AFG2A: variants seen among roughly 807,000 people sequenced by gnomAD.
AFG2A encodes ATPase family gene 2 protein homolog A.
At chr4:122,958,504 C>T in the AFG2A span, among the ~76,000 whole-genome samples, 2 of 152,176 alleles carry the variant, frequency 1.3e-5, no homozygotes, top group African/African-American at 2.4e-5. Flanking sequence ...TTCTTCCCCA[C>T]GGAATTCAGG....
chr4:122,947,818 A>G, the AFG2A span, among the ~76,000 whole-genome samples: 6 of 152,172 alleles, frequency 3.9e-5, no homozygotes, highest in Admixed American at 3.9e-4. Context: ...TTAAAACAGT[A>G]AAAAATAATA....
At chr4:123,136,126 T>G in the AFG2A span, among the ~76,000 whole-genome samples, 3,325 of 152,346 alleles carry the variant, frequency 0.022, 65 homozygotes, top group Non-Finnish European at 0.035. Context: ...GAAAACATGC[T>G]TTGTATGATT....
the AFG2A span, among the ~76,000 whole-genome samples, chr4:122,951,454 A>ACACACG: frequency 1.3e-5 from 2 of 151,436 alleles, no homozygotes; most frequent in Non-Finnish European, 3.0e-5. Context: ...ACACACACAC[A>ACACACG]CACACGCACG....
At chr4:123,268,420 G>A in the AFG2A span, among the ~76,000 whole-genome samples, 1 of 152,134 alleles carries the variant, frequency 6.6e-6, no homozygotes, top group Non-Finnish European at 1.5e-5. Context: ...ACTAATAGAG[G>A]TCTCAGAAGG....
chr4:123,172,924 G>A, the AFG2A span, among the ~76,000 whole-genome samples: 1 of 152,110 alleles, frequency 6.6e-6, no homozygotes, highest in Non-Finnish European at 1.5e-5. Flanking sequence ...TTAAGAACTG[G>A]TTGTTCAAAA....
the AFG2A span, among the ~76,000 whole-genome samples, chr4:123,221,177 A>G: frequency 1.3e-5 from 2 of 152,044 alleles, no homozygotes; most frequent in African/African-American, 2.4e-5. Flanking sequence ...TTATTTTGAG[A>G]CAGGGTCTCA....
chr4:123,116,263 C>T, the AFG2A span, among the ~76,000 whole-genome samples: 1 of 152,178 alleles, frequency 6.6e-6, no homozygotes, highest in East Asian at 1.9e-4. Context: ...ATCATATAAA[C>T]AAAAACAACA....
the AFG2A span, among the ~76,000 whole-genome samples, chr4:123,013,755 C>T: frequency 2.0e-5 from 3 of 152,130 alleles, no homozygotes; most frequent in Admixed American, 6.5e-5. Flanking sequence ...CACTTTTACC[C>T]CTTCTGTTGT....
At chr4:123,146,337 G>A in the AFG2A span, among the ~76,000 whole-genome samples, 1 of 152,244 alleles carries the variant, frequency 6.6e-6, no homozygotes, top group Middle Eastern at 3.4e-3. Flanking sequence ...ACACAATGGG[G>A]AGAAAAACGG....
At chr4:122,986,200 T>C in the AFG2A span, among the ~76,000 whole-genome samples, 1 of 152,126 alleles carries the variant, frequency 6.6e-6, no homozygotes, top group Non-Finnish European at 1.5e-5. Flanking sequence ...TATCACGTGG[T>C]CTGTTTTGGA....
the AFG2A span, among the ~76,000 whole-genome samples, chr4:123,211,315 A>T: frequency 3.3e-5 from 5 of 152,166 alleles, no homozygotes; most frequent in South Asian, 4.1e-4. Context: ...GTTTTTAAAA[A>T]TTTCCATGAC....
At chr4:123,026,069 G>T in the AFG2A span, among the ~76,000 whole-genome samples, 3 of 151,574 alleles carry the variant, frequency 2.0e-5, no homozygotes, top group African/African-American at 4.9e-5. Flanking sequence ...TCAGGGCCCT[G>T]TGTAGAGCAG....
At chr4:123,078,673 T>G in the AFG2A span, among the ~76,000 whole-genome samples, 1 of 152,162 alleles carries the variant, frequency 6.6e-6, no homozygotes, top group South Asian at 2.1e-4. Flanking sequence ...AGTCCCCAAC[T>G]TCAATCTAGA....
the AFG2A span, among the ~76,000 whole-genome samples, chr4:123,226,994 G>C: frequency 6.6e-6 from 1 of 152,178 alleles, no homozygotes; most frequent in Non-Finnish European, 1.5e-5. Context: ...CAGTTTATTT[G>C]CATAGAGGTG....
chr4:123,223,770 T>C, the AFG2A span, among the ~76,000 whole-genome samples: 1 of 152,206 alleles, frequency 6.6e-6, no homozygotes, highest in African/African-American at 2.4e-5. Context: ...TATTGGGGTA[T>C]TTTTTAAATT....
the AFG2A span, among the ~76,000 whole-genome samples, chr4:123,187,997 C>CAAAAAAAAAA: frequency 7.5e-6 from 1 of 133,752 alleles, no homozygotes; most frequent in Non-Finnish European, 1.6e-5. Context: ...GGCCCTATCT[C>CAAAAAAAAAA]AAAAAAAAAA....
the AFG2A span, among the ~76,000 whole-genome samples, chr4:123,007,644 C>CATAT: frequency 3.7e-4 from 11 of 29,346 alleles, no homozygotes; most frequent in African/African-American, 8.5e-4. Flanking sequence ...ACACACACAA[C>CATAT]ACACACACAC....
chr4:123,205,175 T>C, the AFG2A span, among the ~76,000 whole-genome samples: 1 of 152,214 alleles, frequency 6.6e-6, no homozygotes, highest in Non-Finnish European at 1.5e-5. Context: ...TTGTGTTTCA[T>C]CAATTTTGTC....
At chr4:123,067,962 G>A in the AFG2A span, among the ~76,000 whole-genome samples, 6 of 152,256 alleles carry the variant, frequency 3.9e-5, no homozygotes, top group East Asian at 1.9e-4. Flanking sequence ...TTAAGATACC[G>A]TAATATCCCT....
Sources: allele counts gnomAD v4.1 joint callset (sites outside exome capture counted in the v4.1 genomes callset), GRCh38; gene constraint gnomAD v4.1.1; transcripts MANE v1.5; gene names NCBI Gene and HGNC (gene_info 2026-07-23, HGNC 2026-07-21).